The following TANC2 variants were observed in gnomAD, a reference collection of about 807,000 sequenced individuals.
TANC2 encodes the protein protein TANC2.
In TANC2, 26 loss-of-function variants were observed where a neutral mutation model predicts 210.5. That is an observed-to-expected ratio of 0.12 (90% CI 0.09 to 0.17). The LOEUF is 0.17. Among genes scored for constraint, TANC2 ranks in the 10% least tolerant of loss-of-function variants. The pLI is 1.00. For missense variants in TANC2, 2,129 were observed against 2,608.9 expected, an observed-to-expected ratio of 0.82 and a Z score of 4.01; for synonymous variants, 931 against 967.1, an observed-to-expected ratio of 0.96 and a Z score of 0.69.
intron 1 of TANC2, among the ~76,000 whole-genome samples, chr17:62,984,787 T>A (rs2032487318): frequency 6.6e-6 from 1 of 152,192 alleles, no homozygotes; most frequent in African/African-American, 2.4e-5. Context: ...CTCTTGTAAT[T>A]TTTAGTTTCA....
chr17:63,354,772 C>A lies in TANC2; in HGVS notation c.1975-11C>A, dbSNP rs372600035. Reference sequence around the variant, plus strand: ...GTCTTTCTGTCTCTTTCTCTCTCTCCATCTTTTTAGGAAATTACCAAGCTG... The same window carrying A: ...GTCTTTCTGTCTCTTTCTCTCTCTCAATCTTTTTAGGAAATTACCAAGCTG... On this transcript the variant is annotated splice_polypyrimidine_tract_variant and intron_variant, in intron 13 of 27. Coordinates refer to ENST00000689528, the Ensembl canonical transcript of TANC2. The A allele has an allele frequency of 7.3e-5, 113 of 1,546,506 alleles. No homozygotes were observed. The highest frequency in any genetic ancestry group is 8.6e-5 in the Non-Finnish European group (99 of 1,151,810).
At chr17:63,103,507 T>TAA in intron 4 of TANC2, among the ~76,000 whole-genome samples, 1 of 152,260 alleles carries the variant, frequency 6.6e-6, no homozygotes, top group South Asian at 2.1e-4. Flanking sequence ...CTGTTTGGGT[T>TAA]TATATCCCAG....
intron 2 of TANC2, among the ~76,000 whole-genome samples, chr17:63,057,359 T>G (rs1037802491): frequency 6.6e-5 from 10 of 152,228 alleles, no homozygotes; most frequent in Admixed American, 6.5e-4. Context: ...TAAGATGCCA[T>G]AGATTTCTGT....
chr17:63,387,823 G>A (rs542693176), intron 15 of TANC2, among the ~76,000 whole-genome samples: 2 of 152,332 alleles, frequency 1.3e-5, no homozygotes, highest in East Asian at 1.9e-4. Context: ...AGTGATACTA[G>A]GAGAAAATTT....
At chr17:63,312,399 T>C (rs2045156296) in intron 9 of TANC2, among the ~76,000 whole-genome samples, 1 of 152,164 alleles carries the variant, frequency 6.6e-6, no homozygotes, top group African/African-American at 2.4e-5. Context: ...AAGAATGGAA[T>C]CATGTCCTTT....
chr17:63,138,359 A>G (rs2145284836), intron 4 of TANC2, among the ~76,000 whole-genome samples: 1 of 152,328 alleles, frequency 6.6e-6, no homozygotes, highest in Admixed American at 6.5e-5. Flanking sequence ...ATTGTACTGT[A>G]ACTGTAGTGA....
chr17:63,331,260 A>G (rs2045830617), intron 11 of TANC2, among the ~76,000 whole-genome samples: 1 of 152,254 alleles, frequency 6.6e-6, no homozygotes, highest in South Asian at 2.1e-4. Context: ...TATATAAATA[A>G]CATTGTGATC....
intron 5 of TANC2, among the ~76,000 whole-genome samples, chr17:63,176,733 G>C (rs905232175): frequency 1.3e-5 from 2 of 151,256 alleles, no homozygotes; most frequent in African/African-American, 4.9e-5. Context: ...CTGAACCCGG[G>C]AGGCGGAGCT....
At chr17:63,426,051 G>C (rs893569088) in exon 28 of TANC2, 2 of 152,378 alleles carry the variant, frequency 1.3e-5, no homozygotes, top group African/African-American at 4.8e-5. Context: ...GCCCGCCCCT[G>C]TGCCCAGCCT....
intron 9 of TANC2, among the ~76,000 whole-genome samples, chr17:63,304,435 A>C (rs560044285): frequency 6.6e-6 from 1 of 152,172 alleles, no homozygotes; most frequent in Non-Finnish European, 1.5e-5. Context: ...GCTGGAGAGC[A>C]GCAAAGATGG....
exon 9 of TANC2, chr17:63,267,854 C>A (rs778005525): frequency 1.2e-6 from 2 of 1,612,148 alleles, no homozygotes. Context: ...GTGGTGCTCG[C>A]ACACAGCAGG....
At chr17:63,376,467 G>C (rs996190412) in intron 14 of TANC2, among the ~76,000 whole-genome samples, 4 of 152,224 alleles carry the variant, frequency 2.6e-5, no homozygotes, top group African/African-American at 9.6e-5. Flanking sequence ...CTGCCACCCT[G>C]TGAAGAGGTG....
intron 1 of TANC2, among the ~76,000 whole-genome samples, chr17:62,988,499 A>G (rs1381540972): frequency 6.6e-6 from 1 of 152,102 alleles, no homozygotes; most frequent in Non-Finnish European, 1.5e-5. Context: ...AGCTTTGCTC[A>G]CACCATAATG....
chr17:62,980,480 A>G (rs1337845369), intron 1 of TANC2, among the ~76,000 whole-genome samples: 2 of 152,236 alleles, frequency 1.3e-5, no homozygotes, highest in East Asian at 3.9e-4. Context: ...GCTCTGTGGT[A>G]CATATATTCC....
At chr17:63,098,211 C>T (rs962193107) in intron 3 of TANC2, among the ~76,000 whole-genome samples, 2 of 151,970 alleles carry the variant, frequency 1.3e-5, no homozygotes, top group African/African-American at 4.8e-5. Flanking sequence ...GATGATATTA[C>T]CTTCCTCCAC....
chr17:63,253,597 C>G (rs1343284600), intron 8 of TANC2, among the ~76,000 whole-genome samples: 4 of 151,938 alleles, frequency 2.6e-5, no homozygotes, highest in Non-Finnish European at 5.9e-5. Flanking sequence ...GTTTTTAATC[C>G]ATTTTTATTT....
intron 5 of TANC2, among the ~76,000 whole-genome samples, chr17:63,187,817 T>C (rs1199614087): frequency 6.6e-6 from 1 of 151,872 alleles, no homozygotes; most frequent in Non-Finnish European, 1.5e-5. Flanking sequence ...CACTTCTCTT[T>C]GAAAAAAAAA....
At chr17:63,376,932 C>T (rs2047444024) in intron 14 of TANC2, among the ~76,000 whole-genome samples, 4 of 151,948 alleles carry the variant, frequency 2.6e-5, no homozygotes, top group Admixed American at 2.6e-4. Flanking sequence ...ATTCTCCTGC[C>T]TCAGTCTCCC....
chr17:62,967,804 G>T (rs1183936232), intron 1 of TANC2: 2 of 151,020 alleles, frequency 1.3e-5, no homozygotes, highest in Admixed American at 6.6e-5. Context: ...AAATATTCTT[G>T]TATGTTCTTG....
Sources: allele counts gnomAD v4.1 joint callset (sites outside exome capture counted in the v4.1 genomes callset), GRCh38; gene constraint gnomAD v4.1.1; transcripts MANE v1.5; gene names NCBI Gene and HGNC (gene_info 2026-07-23, HGNC 2026-07-21).